The following NBPF4 variants were observed in gnomAD, a reference collection of about 807,000 sequenced individuals.
NBPF4 encodes the protein NBPF family member NBPF4.
Under a neutral mutation model 21.1 loss-of-function variants are expected in NBPF4, and 11 were observed. The observed-to-expected ratio is 0.52, with a 90% CI of 0.33 to 0.86. The LOEUF (loss-of-function observed/expected upper bound fraction) is 0.86, where lower values mean the gene tolerates loss of function less well. NBPF4 is among the 40% of genes least tolerant of loss of function. The probability of loss-of-function intolerance (pLI) is 0.03; values close to 1 mark genes in which losing one functional copy is unlikely to be tolerated. For missense variants in NBPF4, 88 were observed against 265.3 expected (o/e 0.33, Z 4.64); for synonymous variants, 47 against 106.4 (o/e 0.44, Z 3.43).
intron 14 of NBPF4, among the ~76,000 whole-genome samples, chr1:108,226,324 A>G (rs1649471759): frequency 6.6e-6 from 1 of 151,458 alleles, no homozygotes; most frequent in Non-Finnish European, 1.5e-5. Context: ...GGATGCAGCA[A>G]GGAAAGGTAA....
At position 108,229,149 on chromosome 1, in the gene NBPF4, G is replaced by T. The variant is rs1228536915; in HGVS notation, c.1431C>A (p.Thr477=). The change falls in exon 13 of 15, where the codon ACC becomes ACA. Residue 477 remains threonine (T), a synonymous_variant. Coordinates refer to ENST00000415641, the MANE Select transcript of NBPF4 (RefSeq NM_001143989.3). ...ACSALDVASP[T]EAACPQGTWS... Reference sequence around the variant, plus strand: ...AAGTCCCTTGGGGACAGGCCGCCTCGGTGGGGGCTGAAAGGAGAAGGGGCT... The same window carrying T: ...AAGTCCCTTGGGGACAGGCCGCCTCTGTGGGGGCTGAAAGGAGAAGGGGCT... The T allele has an allele frequency of 1.9e-6, 3 of 1,549,806 alleles. No individual in the cohort carries two copies. Among genetic ancestry groups the T allele is most frequent in the Non-Finnish European group, 2.6e-6 (3 of 1,145,636 alleles).
upstream of NBPF4, among the ~76,000 whole-genome samples, chr1:108,244,911 T>A (rs1173103435): frequency 9.1e-5 from 3 of 32,982 alleles, no homozygotes; most frequent in African/African-American, 3.7e-4. Context: ...GATATATATA[T>A]ATATATATAT....
At chr1:108,257,762 C>CTTTTTTTTTTTTTTTTTTTTTTT in the NBPF4 span, among the ~76,000 whole-genome samples, 13 of 54,770 alleles carry the variant, frequency 2.4e-4, no homozygotes, top group Middle Eastern at 0.015. Context: ...CTTTTCTTTT[C>CTTTTTTTTTTTTTTTTTTTTTTT]TTTTTTTTTT....
At chr1:108,224,562 G>A (rs1649414121) in intron 14 of NBPF4, among the ~76,000 whole-genome samples, 1 of 144,550 alleles carries the variant, frequency 6.9e-6, no homozygotes, top group Non-Finnish European at 1.5e-5. Flanking sequence ...AGGAAAGAAA[G>A]GGAGTTTAAA....
chr1:108,259,763 T>C, the NBPF4 span, among the ~76,000 whole-genome samples: 1 of 151,554 alleles, frequency 6.6e-6, no homozygotes, highest in African/African-American at 2.4e-5. Flanking sequence ...ATCCCTGGAC[T>C]ACAGTTCTAC....
At chr1:108,255,847 C>T in the NBPF4 span, among the ~76,000 whole-genome samples, 1 of 133,190 alleles carries the variant, frequency 7.5e-6, no homozygotes, top group Non-Finnish European at 1.5e-5. Context: ...CAGAGTAATG[C>T]TAGCCTCATA....
In NBPF4 at chr1:108,223,719, T is replaced by C. The variant is rs974486685; in HGVS notation, c.1903A>G (p.Arg635Gly). The change falls in exon 15 of 15, where the codon AGG becomes GGG. Residue 635 changes from arginine (R) to glycine (G), a missense_variant. By Grantham distance (125) the Arg-to-Gly change is moderately radical. Coordinates refer to ENST00000415641, the MANE Select transcript of NBPF4 (RefSeq NM_001143989.3). ...GTGACATTCTTTCATCCTGCCATCC[T>C]TTGCGTCCTTCCAGCAGTATTTGGT... ...EIPNTAGRTQ[R>G]MAG 22 of 1,563,588 alleles carry C rather than the reference T, an allele frequency of 1.4e-5. No individual in the cohort carries two copies. The highest frequency in any genetic ancestry group is 1.5e-5 in the Non-Finnish European group (17 of 1,153,842).
chr1:108,241,341 C>T (rs642614), intron 3 of NBPF4, among the ~76,000 whole-genome samples, 177 bp from the exon 4 acceptor site: 1,144 of 101,872 alleles, frequency 0.011, 63 homozygotes, highest in African/African-American at 0.03. Context: ...TATATATATA[C>T]ACACACACAC....
upstream of NBPF4, among the ~76,000 whole-genome samples, chr1:108,244,899 G>GAGATAT (rs1649776899): frequency 1.6e-4 from 1 of 6,182 alleles, no homozygotes; most frequent in Non-Finnish European, 3.4e-4. Context: ...AATATTGTTG[G>GAGATAT]AGATATATAT....
At chr1:108,241,557 T>A (rs557027108) in intron 3 of NBPF4, among the ~76,000 whole-genome samples, 84 of 143,042 alleles carry the variant, frequency 5.9e-4, no homozygotes, top group African/African-American at 2.0e-3. Flanking sequence ...GCCATGGGCA[T>A]CTCTATGTGA....
chr1:108,223,816 A>C, intron 14 of NBPF4, 70 bp from the exon 15 acceptor site: 1 of 1,340,630 alleles, frequency 7.5e-7, no homozygotes, highest in Non-Finnish European at 1.0e-6. Flanking sequence ...CTGAGTCTGG[A>C]GGGATTGCTA....
chr1:108,235,146 TA>T (rs1321035306), intron 9 of NBPF4, 89 bp downstream of exon 9: 1 of 88,642 alleles, frequency 1.1e-5, no homozygotes, highest in Non-Finnish European at 1.7e-5. Context: ...AGGGATGAAT[TA>T]GGTATATTCA....
In NBPF4 at chr1:108,223,109, A is replaced by G. The variant is rs566561640; in HGVS notation, c.*596T>C. Among the ~76,000 whole-genome samples, 247 of 152,324 alleles carry G rather than the reference A, an allele frequency of 1.6e-3. 1 individual carries two copies. Among genetic ancestry groups the G allele is most frequent in the African/African-American group, 5.5e-3 (229 of 41,594 alleles). On this transcript the variant is annotated 3_prime_UTR_variant, in exon 15 of 15. Transcript: ENST00000415641. ...CAAACAAGTCCATGTCACCACCATC[A>G]ATGACAACAACAAAAAGATGAGGAG... is the stretch of plus-strand genomic sequence containing the variant.
At chr1:108,259,177 G>GCA in the NBPF4 span, among the ~76,000 whole-genome samples, 1 of 100,762 alleles carries the variant, frequency 9.9e-6, no homozygotes, top group African/African-American at 4.4e-5. Context: ...GACACGTGTA[G>GCA]CACATTTGAG....
Position 108,223,665 on chromosome 1 carries a change from G to A in NBPF4, c.*40C>T. The A allele has an allele frequency of 6.3e-7, 1 of 1,577,078 alleles. No individual in the cohort carries two copies. Among genetic ancestry groups the A allele is most frequent in the South Asian group, 1.2e-5 (1 of 86,554 alleles). On this transcript the variant is annotated 3_prime_UTR_variant, in exon 15 of 15. Coordinates refer to ENST00000415641, the MANE Select transcript of NBPF4 (RefSeq NM_001143989.3). ...TTAAACTTGCTTTGCTGTTTTAGTT[G>A]TTTTTATCAAGTGGAAAAGCTGCTT...
At chr1:108,245,612 ATAAT>A (rs1338023115), upstream of NBPF4, among the ~76,000 whole-genome samples, 2 of 101,100 alleles carry the variant, frequency 2.0e-5, no homozygotes, top group East Asian at 3.0e-4. Context: ...ATAAATAAAA[ATAAT>A]TATTTATTGA....
upstream of NBPF4, among the ~76,000 whole-genome samples, chr1:108,245,998 C>G (rs1649838442): frequency 8.6e-6 from 1 of 115,810 alleles, no homozygotes; most frequent in Non-Finnish European, 1.8e-5. Context: ...AGACTTGGGT[C>G]TTCCCCTGGC....
At chr1:108,246,543 G>A, upstream of NBPF4, among the ~76,000 whole-genome samples, 1 of 113,174 alleles carries the variant, frequency 8.8e-6, no homozygotes, top group Admixed American at 1.1e-4. Flanking sequence ...ATCTTTGTCT[G>A]ACCCCATCAG....
chr1:108,256,582 C>T, the NBPF4 span, among the ~76,000 whole-genome samples: 1 of 95,456 alleles, frequency 1.0e-5, no homozygotes, highest in Non-Finnish European at 2.0e-5. Flanking sequence ...CCTCCCCTCC[C>T]TCCCTCTCTC....
Sources: allele counts gnomAD v4.1 joint callset (sites outside exome capture counted in the v4.1 genomes callset), GRCh38; gene constraint gnomAD v4.1.1; transcripts MANE v1.5; gene names NCBI Gene and HGNC (gene_info 2026-07-23, HGNC 2026-07-21).